Variants in THRAP3 observed in about 807,000 individuals in gnomAD.
THRAP3 encodes thyroid hormone receptor associated protein 3.
In THRAP3, 16 loss-of-function variants were observed where a neutral mutation model predicts 101.0. The observed-to-expected ratio is 0.16, with a 90% CI of 0.11 to 0.24. The LOEUF is 0.24. Among genes scored for constraint, THRAP3 ranks in the 10% least tolerant of loss-of-function variants. THRAP3 has a pLI of 1.00. For synonymous variants in THRAP3, 407 were observed against 422.6 expected (o/e 0.96, Z 0.45); for missense variants, 989 against 1,202.7 (o/e 0.82, Z 2.63).
At chr1:36,285,041 T>C (rs913866481) in intron 3 of THRAP3, among the ~76,000 whole-genome samples, 3 of 152,224 alleles carry the variant, frequency 2.0e-5, no homozygotes, top group Non-Finnish European at 4.4e-5. Context: ...GGGCAATAAA[T>C]AGTGGAAAAC....
intron 7 of THRAP3, 89 bp from the exon 8 acceptor site, chr1:36,293,762 G>C: frequency 8.9e-7 from 1 of 1,121,406 alleles, no homozygotes; most frequent in Non-Finnish European, 1.3e-6. Context: ...TAATGCCTGT[G>C]AATCTATTAG....
chr1:36,241,413 A>ATATG (rs1328481249), intron 1 of THRAP3, among the ~76,000 whole-genome samples: 1 of 141,328 alleles, frequency 7.1e-6, no homozygotes, highest in African/African-American at 2.8e-5. Context: ...ATATATATAT[A>ATATG]TATATATATA....
intron 1 of THRAP3, among the ~76,000 whole-genome samples, chr1:36,239,291 G>T (rs1193713887): frequency 8.0e-6 from 1 of 124,934 alleles, no homozygotes; most frequent in Non-Finnish European, 1.6e-5. Context: ...TCAGCTTCTC[G>T]CTCTATTACC....
At chr1:36,285,018 A>T (rs1434218616) in intron 3 of THRAP3, among the ~76,000 whole-genome samples, 2 of 151,934 alleles carry the variant, frequency 1.3e-5, no homozygotes, top group African/African-American at 4.8e-5. Flanking sequence ...AGATAAAAAA[A>T]TCTGAGTACA....
intron 1 of THRAP3, among the ~76,000 whole-genome samples, chr1:36,258,166 A>G (rs1039830729): frequency 2.0e-5 from 3 of 152,134 alleles, no homozygotes; most frequent in Non-Finnish European, 2.9e-5. Flanking sequence ...TAAATTCAAC[A>G]TGTTACAGCA....
At chr1:36,300,065 T>C (rs1646012864) in intron 9 of THRAP3, among the ~76,000 whole-genome samples, 1 of 152,050 alleles carries the variant, frequency 6.6e-6, no homozygotes, top group African/African-American at 2.4e-5. Flanking sequence ...CCCCTAGAGG[T>C]ATTCAGTAAC....
At position 36,300,868 on chromosome 1, in the gene THRAP3, GC is replaced by G; in HGVS notation, c.2304-17del. 6.2e-7 allele frequency: 1 copy of G among 1,611,878 alleles called. No homozygotes were observed. The highest frequency in any genetic ancestry group is 8.5e-7 in the Non-Finnish European group (1 of 1,179,564). On this transcript the variant is annotated splice_polypyrimidine_tract_variant and intron_variant, in intron 9 of 11. Coordinates refer to ENST00000354618, the MANE Select transcript of THRAP3 (RefSeq NM_005119.4). ...CTTAGAAAGATGATTGATCACCCTG[GC>G]TCTTCTCTTTTCACAGGAAGCATCG...
At chr1:36,210,290 C>T in the THRAP3 span, among the ~76,000 whole-genome samples, 13 of 148,192 alleles carry the variant, frequency 8.8e-5, no homozygotes, top group African/African-American at 1.3e-4. Context: ...CACTTGAACC[C>T]GGGAGGCGGA....
intron 8 of THRAP3, among the ~76,000 whole-genome samples, chr1:36,295,954 C>CTTATTTTTTT (rs1645944137): frequency 1.7e-5 from 1 of 60,488 alleles, no homozygotes; most frequent in African/African-American, 7.3e-5. Context: ...GCCTTCTCAA[C>CTTATTTTTTT]TTTTTTTTTT....
intron 3 of THRAP3, among the ~76,000 whole-genome samples, chr1:36,283,451 T>C (rs1231799721): frequency 2.6e-5 from 4 of 152,222 alleles, no homozygotes; most frequent in Admixed American, 2.6e-4. Flanking sequence ...CTTTTGTGGA[T>C]AGATAAGAAG....
At position 36,287,023 on chromosome 1, in the gene THRAP3, C is replaced by A; in HGVS notation, c.793C>A (p.Pro265Thr). 1 of 1,614,124 alleles carries A rather than the reference C, an allele frequency of 6.2e-7. No individual in the cohort carries two copies. Among genetic ancestry groups the A allele is most frequent in the Non-Finnish European group, 8.5e-7 (1 of 1,179,986 alleles). ...GTCTGTGGTGGTGAGGCGGCGGTCA[C>A]CCCGTCCTAGCCCCGTGCCAAAACC... ...LQSVVVRRRSPRPSPVPKPSP... is the reference protein window; with the variant it reads ...LQSVVVRRRSTRPSPVPKPSP... The change falls in exon 4 of 12, where the codon CCC (proline) becomes ACC (threonine). Residue 265 changes from proline to threonine, a missense_variant. Pro to Thr is a conservative substitution (Grantham distance 38, BLOSUM62 -1). Transcript: ENST00000354618.
At chr1:36,230,558 C>T (rs897546155) in intron 1 of THRAP3, among the ~76,000 whole-genome samples, 5 of 152,164 alleles carry the variant, frequency 3.3e-5, no homozygotes, top group Non-Finnish European at 5.9e-5. Flanking sequence ...CCACCGCGCC[C>T]GGCCTAGAAA....
chr1:36,267,176 G>T (rs546650992), intron 2 of THRAP3, among the ~76,000 whole-genome samples: 63 of 151,984 alleles, frequency 4.1e-4, no homozygotes, highest in Non-Finnish European at 8.4e-4. Flanking sequence ...GAGCCACCGC[G>T]CCCTGCCTAT....
chr1:36,224,639 C>T (rs192972190), intron 1 of THRAP3, 134 bp downstream of exon 1: 364 of 152,784 alleles, frequency 2.4e-3, no homozygotes, highest in Middle Eastern at 0.014. Context: ...CCAGCTTACA[C>T]CCTGGCCTCT....
chr1:36,270,571 G>GGTTTTTTTTTTTTTTTTTTTTTTTTTTT lies in THRAP3; in HGVS notation c.-32+11087_-32+11088insGTTTTTTTTTTTTTTTTTTTTTTTTTTT, dbSNP rs1553121666. ...TAAAAATACAGTTCTATTTGTTTAGGTTTTTGTTTTTTTTTTTTTTTTTGA... is the reference window on the plus strand; with the variant it reads ...TAAAAATACAGTTCTATTTGTTTAGGGTTTTTTTTTTTTTTTTTTTTTTTTTTTTTTTTGTTTTTTTTTTTTTTTTTGA... On this transcript the variant is annotated intron_variant, in intron 2 of 11. Transcript: ENST00000354618. 1.4e-3 allele frequency among the ~76,000 whole-genome samples: 46 copies of GGTTTTTTTTTTTTTTTTTTTTTTTTTTT among 31,894 alleles called. 4 individuals carry two copies. Among genetic ancestry groups the GGTTTTTTTTTTTTTTTTTTTTTTTTTTT allele is most frequent in the African/African-American group, 3.2e-3 (45 of 14,198 alleles). The allele number at this position is 31,894 out of a possible 152,430, so 20.9% of individuals were successfully genotyped here.
At chr1:36,248,495 T>G (rs1217997677) in intron 1 of THRAP3, among the ~76,000 whole-genome samples, 1 of 149,734 alleles carries the variant, frequency 6.7e-6, no homozygotes, top group Admixed American at 6.8e-5. Context: ...TCACCTAGTC[T>G]GGAGTACAGT....
intron 2 of THRAP3, among the ~76,000 whole-genome samples, chr1:36,268,884 C>T (rs1645551033): frequency 6.6e-6 from 1 of 152,190 alleles, no homozygotes; most frequent in South Asian, 2.1e-4. Flanking sequence ...CGCCACCACG[C>T]CCAGCTAATT....
chr1:36,258,710 A>G (rs1570279333), intron 1 of THRAP3, among the ~76,000 whole-genome samples: 1 of 152,134 alleles, frequency 6.6e-6, no homozygotes, highest in Admixed American at 6.6e-5. Context: ...CGATCTCCTG[A>G]CCTCGTGATC....
At chr1:36,227,523 C>A (rs1644975269) in intron 1 of THRAP3, among the ~76,000 whole-genome samples, 2 of 152,074 alleles carry the variant, frequency 1.3e-5, no homozygotes, top group South Asian at 2.1e-4. Flanking sequence ...CTTAGGTGAT[C>A]CGCCTGCCTC....
Sources: allele counts gnomAD v4.1 joint callset (sites outside exome capture counted in the v4.1 genomes callset), GRCh38; gene constraint gnomAD v4.1.1; transcripts MANE v1.5; gene names NCBI Gene and HGNC (gene_info 2026-07-23, HGNC 2026-07-21).